Variants in BAD observed in about 807,000 individuals in gnomAD.
BAD encodes the protein bcl2-associated agonist of cell death.
Under a neutral mutation model 17.8 loss-of-function variants are expected in BAD, and 18 were observed. The observed-to-expected ratio is 1.01, with a 90% confidence interval of 0.70 to 1.50. BAD has a LOEUF of 1.50. Ranked by LOEUF, BAD falls within the 40% of genes most tolerant of loss-of-function variation. The probability of loss-of-function intolerance (pLI) is 0.00; values close to 1 mark genes in which losing one functional copy is unlikely to be tolerated. For missense variants in BAD, 294 were observed against 239.3 expected (o/e 1.23, Z -1.51); for synonymous variants, 112 against 91.5 (o/e 1.22, Z -1.28).
At chr11:64,284,571 C>T in intron 1 of BAD, 60 bp downstream of exon 1, 1 of 1,493,942 alleles carries the variant, frequency 6.7e-7, no homozygotes, top group South Asian at 1.3e-5. Context: ...TCAGTCTCCC[C>T]TCAGAACCCC....
At position 64,270,085 on chromosome 11, in the gene BAD, C is replaced by A; in HGVS notation, c.*124G>T. ...CCGGAAGGGAATCTGGGTCAGCCCT[C>A]CCTCCAAAGGAGACAGCACGGATCC... On this transcript the variant is annotated 3_prime_UTR_variant, in exon 4 of 4. Coordinates refer to ENST00000309032, the MANE Select transcript of BAD (RefSeq NM_032989.3). 1 of 1,489,662 alleles carries A rather than the reference C, an allele frequency of 6.7e-7. No homozygotes were observed. The allele number at this position is 1,489,662 out of a possible 1,614,324, so 92.3% of individuals were successfully genotyped here.
rs770676243 is a variant in BAD at position 64,270,117 on chromosome 11, T to C, written c.*92A>G. ...AAGGAGACAGCACGGATCCTCTTTT[T>C]GCATAGGCCTGAGGGAAGTACTTCC... On this transcript the variant is annotated 3_prime_UTR_variant, in exon 4 of 4. Coordinates refer to ENST00000309032, the MANE Select transcript of BAD (RefSeq NM_032989.3). The C allele has an allele frequency of 8.1e-5, 128 of 1,586,388 alleles. No individual in the cohort carries two copies. The highest frequency in any genetic ancestry group is 1.1e-4 in the Non-Finnish European group (122 of 1,161,426).
chr11:64,280,203 C>T (rs1290702486), intron 2 of BAD, among the ~76,000 whole-genome samples: 1 of 150,430 alleles, frequency 6.6e-6, no homozygotes, highest in African/African-American at 2.4e-5. Flanking sequence ...GGCTGTAGTC[C>T]GAGCTACTCT....
chr11:64,284,646 G>A lies in BAD; in HGVS notation c.-24C>T, dbSNP rs2033737368. 2.0e-6 allele frequency: 3 copies of A among 1,531,320 alleles called. No individual in the cohort carries two copies. Among genetic ancestry groups the A allele is most frequent in the Non-Finnish European group, 2.6e-6 (3 of 1,144,816 alleles). The allele number at this position is 1,531,320 out of a possible 1,614,324, so 94.9% of individuals were successfully genotyped here. A position where few individuals can be genotyped will look rare whatever the true frequency, so the allele number is the denominator to read the frequency against. ...CAGGTCTCACCCCAAGCCCGATCTC[G>A]AGGCCCCTGACCCGGGCCTGCCGCC... is the stretch of plus-strand genomic sequence containing the variant. On this transcript the variant is annotated 5_prime_UTR_variant, in exon 1 of 4. Transcript: ENST00000309032.
upstream of BAD, chr11:64,284,694 G>A (rs1204603581): frequency 1.3e-6 from 2 of 1,535,870 alleles, no homozygotes; most frequent in Non-Finnish European, 8.7e-7. Flanking sequence ...CCCGGGCTCC[G>A]GGCCCTAGTT....
At chr11:64,271,548 A>T in intron 3 of BAD, 65 bp downstream of exon 3, 3 of 1,362,674 alleles carry the variant, frequency 2.2e-6, no homozygotes, top group Non-Finnish European at 2.8e-6. Context: ...GGGACAAGGC[A>T]GGGACAGACC....
intron 2 of BAD, among the ~76,000 whole-genome samples, chr11:64,278,004 T>C (rs1218374921): frequency 1.3e-5 from 2 of 152,158 alleles, no homozygotes; most frequent in African/African-American, 2.4e-5. Flanking sequence ...CTTAAAAATA[T>C]AGGCCCAATG....
Position 64,276,642 on chromosome 11 carries a change from A to C in BAD, c.188-4839T>G, listed in dbSNP as rs370577722. 7.2e-6 allele frequency: 3 copies of C among 414,194 alleles called. No homozygotes were observed. The East Asian group carries it at 1.3e-4, about 18-fold the overall frequency. 25.7% of individuals were successfully genotyped at this position (414,194 alleles called of 1,614,324 possible). A position where few individuals can be genotyped will look rare whatever the true frequency, so the allele number is the denominator to read the frequency against. On this transcript the variant is annotated intron_variant, in intron 2 of 3. Coordinates refer to ENST00000309032, the MANE Select transcript of BAD (RefSeq NM_032989.3). ...GTGCCCAGCCCTAAATTGAATTTTTAAAAAGTGTTCTATTTACAGGGAAAA... is the reference window on the plus strand; with the variant it reads ...GTGCCCAGCCCTAAATTGAATTTTTCAAAAGTGTTCTATTTACAGGGAAAA...
In BAD at chr11:64,284,196, C is replaced by T. The variant is rs1484846971; in HGVS notation, c.173G>A (p.Ser58Asn). Reference protein sequence around the residue: ...ASHQQEQPTSSSHHGGAGAVE... With the variant: ...ASHQQEQPTSNSHHGGAGAVE... Reference sequence around the variant, plus strand: ...GGGGTACTTACCTCCATGATGGCTGCTGCTGGTTGGCTGCTCCTGCTGGTG... The same window carrying T: ...GGGGTACTTACCTCCATGATGGCTGTTGCTGGTTGGCTGCTCCTGCTGGTG... Residue 58 changes from serine (S) to asparagine (N), a missense_variant, in exon 2 of 4, where the codon AGC becomes AAC. Ser to Asn is a conservative substitution (Grantham distance 46). Coordinates refer to ENST00000309032, the MANE Select transcript of BAD (RefSeq NM_032989.3). 1.9e-6 allele frequency: 3 copies of T among 1,599,570 alleles called. No homozygotes were observed.
In BAD at chr11:64,271,654, C is replaced by T; in HGVS notation, c.337G>A (p.Glu113Lys). ...AACTCGTCACTCATCCTCCGGAGCT[C>T]GCGGCCATAGCGCTGTGCTGCCCAG... ...NLWAAQRYGRELRRMSDEFVD... is the reference protein window; with the variant it reads ...NLWAAQRYGRKLRRMSDEFVD... Residue 113 changes from glutamate (E) to lysine (K), a missense_variant, in exon 3 of 4, where the codon GAG becomes AAG. Transcript: ENST00000309032. The T allele has an allele frequency of 1.3e-6, 2 of 1,508,588 alleles. No individual in the cohort carries two copies. Among genetic ancestry groups the T allele is most frequent in the Non-Finnish European group, 8.9e-7 (1 of 1,127,786 alleles). 93.5% of individuals were successfully genotyped at this position (1,508,588 alleles called of 1,614,324 possible). A position where few individuals can be genotyped will look rare whatever the true frequency, so the allele number is the denominator to read the frequency against.
At chr11:64,273,231 G>T (rs1466732360) in intron 2 of BAD, among the ~76,000 whole-genome samples, 2 of 152,208 alleles carry the variant, frequency 1.3e-5, no homozygotes, top group Non-Finnish European at 2.9e-5. Flanking sequence ...AAATTAGTTA[G>T]GTGTGGTGGT....
Position 64,271,657 on chromosome 11 carries a change from G to A in BAD, c.334C>T (p.Arg112Cys). Reference protein sequence around the residue: ...PNLWAAQRYGRELRRMSDEFV... With the variant: ...PNLWAAQRYGCELRRMSDEFV... Reference sequence around the variant, plus strand: ...TCGTCACTCATCCTCCGGAGCTCGCGGCCATAGCGCTGTGCTGCCCAGAGG... The same window carrying A: ...TCGTCACTCATCCTCCGGAGCTCGCAGCCATAGCGCTGTGCTGCCCAGAGG... The change falls in exon 3 of 4, where the codon CGC becomes TGC. Residue 112 changes from arginine (R) to cysteine (C), a missense_variant. Physicochemically the swap from Arg to Cys is radical, Grantham distance 180. Transcript: ENST00000309032. 6.6e-7 allele frequency: 1 copy of A among 1,509,408 alleles called. No individual in the cohort carries two copies. The highest frequency in any genetic ancestry group is 8.9e-7 in the Non-Finnish European group (1 of 1,128,118). The allele number at this position is 1,509,408 out of a possible 1,614,324, so 93.5% of individuals were successfully genotyped here. A position where few individuals can be genotyped will look rare whatever the true frequency, so the allele number is the denominator to read the frequency against.
chr11:64,271,381 TCA>T (rs58303026), intron 3 of BAD, among the ~76,000 whole-genome samples: 13,092 of 60,182 alleles, frequency 0.22, 2,022 homozygotes, highest in Middle Eastern at 0.38. Context: ...GCCCTGTGAC[TCA>T]CACACACACA....
intron 2 of BAD, among the ~76,000 whole-genome samples, chr11:64,282,795 C>A (rs2033565430): frequency 6.6e-6 from 1 of 150,694 alleles, no homozygotes. Context: ...AGGAGAACTG[C>A]TTGAACCCAG....
At chr11:64,274,205 G>C (rs1049404529) in intron 2 of BAD, among the ~76,000 whole-genome samples, 2 of 149,134 alleles carry the variant, frequency 1.3e-5, no homozygotes, top group Non-Finnish European at 3.0e-5. Context: ...ATCCTAACAC[G>C]GTGAAACCCC....
At chr11:64,273,855 CAAAAAAAAAAA>C (rs34577596) in intron 2 of BAD, among the ~76,000 whole-genome samples, 10 of 54,820 alleles carry the variant, frequency 1.8e-4, no homozygotes, top group East Asian at 1.3e-3. Context: ...GCACCCATCT[CAAAAAAAAAAA>C]AAAAAAAAAA....
chr11:64,272,009 T>G (rs184366145), intron 2 of BAD: 247 of 410,152 alleles, frequency 6.0e-4, no homozygotes, highest in African/African-American at 4.6e-3. Context: ...GGTTAACTTC[T>G]CATTAATCCC....
chr11:64,284,693 C>T, upstream of BAD: 3 of 1,535,838 alleles, frequency 2.0e-6, no homozygotes, highest in Non-Finnish European at 1.7e-6. Flanking sequence ...CCCCGGGCTC[C>T]GGGCCCTAGT....
Position 64,269,967 on chromosome 11 carries a change from C to A in BAD, c.*242G>T. 2 of 764,064 alleles carry A rather than the reference C, an allele frequency of 2.6e-6. No individual in the cohort carries two copies. Among genetic ancestry groups the A allele is most frequent in the Non-Finnish European group, 2.2e-6 (1 of 449,340 alleles). 47.3% of individuals were successfully genotyped at this position (764,064 alleles called of 1,614,324 possible). On this transcript the variant is annotated 3_prime_UTR_variant, in exon 4 of 4. Coordinates refer to ENST00000309032, the MANE Select transcript of BAD (RefSeq NM_032989.3). ...CAGGCGCCTGGGGGAAAGCCCGGAG[C>A]CTGAGGGCGGGGCCACGGAGCCACT...
Sources: gnomAD v4.1 joint callset for allele counts (sites outside exome capture counted in the v4.1 genomes callset) on GRCh38, gnomAD v4.1.1 for gene constraint, MANE v1.5 for transcripts, NCBI Gene and HGNC (gene_info 2026-07-23, HGNC 2026-07-21) for gene names.